The following RNF217 variants were observed in gnomAD, a reference collection of about 807,000 sequenced individuals.
RNF217 encodes ring finger protein 217.
Under a neutral mutation model 57.8 loss-of-function variants are expected in RNF217, and 31 were observed. That is an observed-to-expected ratio of 0.54 (90% CI 0.40 to 0.72). RNF217 has a LOEUF of 0.72. RNF217 is among the 30% of genes least tolerant of loss of function. The pLI is 0.00. For synonymous variants in RNF217, 313 were observed against 294.0 expected (o/e 1.06, Z -0.66); for missense variants, 696 against 708.3 (o/e 0.98, Z 0.20).
At chr6:125,031,142 G>A (rs1252326949) in intron 1 of RNF217, among the ~76,000 whole-genome samples, 1 of 152,198 alleles carries the variant, frequency 6.6e-6, no homozygotes, top group South Asian at 2.1e-4. Flanking sequence ...TGGGACACAG[G>A]GCACCAAGTC....
chr6:125,063,086 A>G (rs1278275909), intron 3 of RNF217, among the ~76,000 whole-genome samples: 1 of 152,224 alleles, frequency 6.6e-6, no homozygotes, highest in East Asian at 1.9e-4. Context: ...TTTTAATATT[A>G]AATTTAAAGC....
At chr6:125,060,971 C>A (rs776346511) in intron 3 of RNF217, among the ~76,000 whole-genome samples, 2 of 152,178 alleles carry the variant, frequency 1.3e-5, no homozygotes, top group Non-Finnish European at 2.9e-5. Flanking sequence ...CCTAACATTG[C>A]AAACATTTCT....
intron 1 of RNF217, among the ~76,000 whole-genome samples, chr6:125,044,549 C>T (rs1787021997): frequency 6.6e-6 from 1 of 152,034 alleles, no homozygotes; most frequent in Non-Finnish European, 1.5e-5. Flanking sequence ...TAAATTACCG[C>T]AGTAGCAGCC....
intron 1 of RNF217, among the ~76,000 whole-genome samples, chr6:125,019,444 A>G (rs1379253467): frequency 6.6e-6 from 1 of 152,168 alleles, no homozygotes; most frequent in African/African-American, 2.4e-5. Context: ...CATTTAGAAT[A>G]CTGTGACTAT....
chr6:125,024,516 G>A (rs1426908431), intron 1 of RNF217, among the ~76,000 whole-genome samples: 2 of 151,834 alleles, frequency 1.3e-5, no homozygotes, highest in Admixed American at 6.6e-5. Flanking sequence ...TCAGGAGTTC[G>A]AGACCACCCT....
intron 1 of RNF217, among the ~76,000 whole-genome samples, chr6:124,986,625 T>C (rs931173985): frequency 6.6e-5 from 10 of 152,198 alleles, no homozygotes; most frequent in Non-Finnish European, 1.3e-4. Context: ...TTCAAAAGAA[T>C]TTTATAAGGT....
chr6:125,061,342 T>C (rs113243840), intron 3 of RNF217, among the ~76,000 whole-genome samples: 6 of 151,958 alleles, frequency 3.9e-5, no homozygotes, highest in South Asian at 2.1e-4. Flanking sequence ...TTAAGTATTT[T>C]TTAAATATTA....
intron 4 of RNF217, among the ~76,000 whole-genome samples, chr6:125,080,625 T>C (rs1241933218): frequency 6.6e-6 from 1 of 152,048 alleles, no homozygotes; most frequent in African/African-American, 2.4e-5. Context: ...AATAACAACA[T>C]GTATTTACTA....
At chr6:125,066,349 C>G (rs1205136508) in intron 3 of RNF217, among the ~76,000 whole-genome samples, 1 of 152,146 alleles carries the variant, frequency 6.6e-6, no homozygotes, top group South Asian at 2.1e-4. Context: ...CCATAGAACC[C>G]GTCGCCCTCT....
intron 1 of RNF217, among the ~76,000 whole-genome samples, chr6:125,042,813 A>G (rs191822503): frequency 2.0e-3 from 299 of 152,076 alleles, no homozygotes; most frequent in Non-Finnish European, 3.7e-3. Flanking sequence ...TGCTGCTTCC[A>G]TTGCTATCAT....
intron 3 of RNF217, among the ~76,000 whole-genome samples, chr6:125,062,239 G>C (rs1406035843): frequency 6.6e-6 from 1 of 151,938 alleles, no homozygotes; most frequent in African/African-American, 2.4e-5. Flanking sequence ...TATGTATTAA[G>C]CATTACTTCT....
chr6:125,027,640 A>G (rs1786161576), intron 1 of RNF217, among the ~76,000 whole-genome samples: 1 of 152,032 alleles, frequency 6.6e-6, no homozygotes, highest in African/African-American at 2.4e-5. Context: ...TCTTCAATAT[A>G]CTGACTTCCT....
At chr6:124,986,654 T>C (rs1403036524) in intron 1 of RNF217, among the ~76,000 whole-genome samples, 2 of 152,200 alleles carry the variant, frequency 1.3e-5, no homozygotes, top group African/African-American at 2.4e-5. Context: ...CCCTGTCTTA[T>C]GTGAAAGGCT....
intron 5 of RNF217, chr6:125,082,430 T>C: frequency 6.3e-7 from 1 of 1,581,780 alleles, no homozygotes; most frequent in Non-Finnish European, 8.6e-7. Context: ...TAATAGATAT[T>C]ATTATCTGTA....
rs113787744 is a variant in RNF217 at position 125,045,087 on chromosome 6, T to C, written c.883-124T>C. 67 of 638,640 alleles carry C rather than the reference T, an allele frequency of 1.0e-4. No homozygotes were observed. The African/African-American group carries it at 1.1e-3, about 10-fold the overall frequency. 39.6% of individuals were successfully genotyped at this position (638,640 alleles called of 1,614,324 possible). On this transcript the variant is annotated intron_variant, in intron 1 of 5. Transcript: ENST00000521654. The stretch of plus-strand genomic sequence containing the variant: ...AAGGTGATTAACATTCATTATGTTA[T>C]CTTAAAAATTACACACAATCCTTTA...
intron 1 of RNF217, among the ~76,000 whole-genome samples, chr6:125,021,770 G>A (rs1365986645): frequency 6.6e-6 from 1 of 152,124 alleles, no homozygotes; most frequent in Non-Finnish European, 1.5e-5. Context: ...TACAAACACA[G>A]GTGACCTTAC....
intron 4 of RNF217, among the ~76,000 whole-genome samples, chr6:125,080,421 A>G (rs1184880682): frequency 6.6e-6 from 1 of 152,122 alleles, no homozygotes; most frequent in African/African-American, 2.4e-5. Context: ...CTTCCAACAA[A>G]TGGCTGTATT....
chr6:124,987,881 C>T (rs757747683), intron 1 of RNF217, among the ~76,000 whole-genome samples: 11 of 152,070 alleles, frequency 7.2e-5, no homozygotes, highest in African/African-American at 1.9e-4. Context: ...GTACATTCTG[C>T]GGTTTGTTGT....
At chr6:124,991,389 T>G (rs531997025) in intron 1 of RNF217, among the ~76,000 whole-genome samples, 1 of 152,354 alleles carries the variant, frequency 6.6e-6, no homozygotes, top group African/African-American at 2.4e-5. Flanking sequence ...CAATTTCTCC[T>G]AGTGGCCTTC....
Sources: gnomAD v4.1 joint callset for allele counts (sites outside exome capture counted in the v4.1 genomes callset) on GRCh38, gnomAD v4.1.1 for gene constraint, MANE v1.5 for transcripts, NCBI Gene and HGNC (gene_info 2026-07-23, HGNC 2026-07-21) for gene names.